Variants in LEMD3 observed in about 807,000 individuals in gnomAD.
LEMD3 encodes inner nuclear membrane protein Man1.
LEMD3 carries 33 observed loss-of-function variants against 95.2 expected under a neutral mutation model. The observed-to-expected ratio is 0.35, with a 90% CI of 0.26 to 0.46. The LOEUF (loss-of-function observed/expected upper bound fraction) is 0.46, where lower values mean the gene tolerates loss of function less well. Ranked by LOEUF, LEMD3 falls within the 20% of genes least tolerant of loss-of-function variation. LEMD3 has a pLI of 1.00. For synonymous variants in LEMD3, 525 were observed against 474.6 expected (o/e 1.11, Z -1.38); for missense variants, 1,210 against 1,192.8 (o/e 1.01, Z -0.21).
chr12:65,206,969 G>A (rs570447972), intron 1 of LEMD3, among the ~76,000 whole-genome samples: 1 of 151,990 alleles, frequency 6.6e-6, no homozygotes, highest in Non-Finnish European at 1.5e-5. Context: ...GACATAAATA[G>A]GTTTGAATCT....
At chr12:65,210,383 CT>C (rs1166004210) in intron 1 of LEMD3, among the ~76,000 whole-genome samples, 1 of 152,010 alleles carries the variant, frequency 6.6e-6, no homozygotes, top group African/African-American at 2.4e-5. Flanking sequence ...CAGTAGTTAA[CT>C]GCTTCTTAGT....
chr12:65,198,404 T>A (rs1869496493), intron 1 of LEMD3, among the ~76,000 whole-genome samples: 1 of 152,156 alleles, frequency 6.6e-6, no homozygotes, highest in Non-Finnish European at 1.5e-5. Flanking sequence ...CAGTAGGCAG[T>A]AGCATAATTA....
chr12:65,241,187 C>A, intron 9 of LEMD3, 100 bp downstream of exon 9: 1 of 992,146 alleles, frequency 1.0e-6, no homozygotes, highest in South Asian at 1.4e-5. Context: ...TGTATGAAGG[C>A]AAAACTCTCT....
chr12:65,219,880 T>C (rs1012887623), intron 4 of LEMD3, among the ~76,000 whole-genome samples: 2 of 152,214 alleles, frequency 1.3e-5, no homozygotes, highest in African/African-American at 4.8e-5. Flanking sequence ...ATGACAGTAC[T>C]TCCTTCATTT....
At chr12:65,175,603 T>G (rs578015480) in intron 1 of LEMD3, among the ~76,000 whole-genome samples, 1 of 152,218 alleles carries the variant, frequency 6.6e-6, no homozygotes, top group Non-Finnish European at 1.5e-5. Flanking sequence ...GTATCACTAC[T>G]CTCTCCTAGT....
chr12:65,210,364 G>T (rs1043638366), intron 1 of LEMD3, among the ~76,000 whole-genome samples: 1 of 152,012 alleles, frequency 6.6e-6, no homozygotes, highest in Non-Finnish European at 1.5e-5. Context: ...GCATCTTGTA[G>T]ATTTCTTTCA....
intron 1 of LEMD3, among the ~76,000 whole-genome samples, chr12:65,188,243 AT>A (rs1869127133): frequency 6.6e-6 from 1 of 152,148 alleles, no homozygotes; most frequent in Non-Finnish European, 1.5e-5. Context: ...AAACATTAAA[AT>A]CATACTGCAG....
chr12:65,228,223 G>A (rs1037123627), intron 4 of LEMD3, among the ~76,000 whole-genome samples: 39 of 152,010 alleles, frequency 2.6e-4, no homozygotes, highest in Admixed American at 1.5e-3. Flanking sequence ...CAAAGTCTAA[G>A]CCAGGCAGCA....
In LEMD3 at chr12:65,246,263, A is replaced by G. The variant is rs1871101950; in HGVS notation, c.2674A>G (p.Met892Val). ...TCCATTGAAGCCATCAAATAAACATATGAACTCCATGTCTCATCTTCGTCT... is the reference window on the plus strand; with the variant it reads ...TCCATTGAAGCCATCAAATAAACATGTGAACTCCATGTCTCATCTTCGTCT... ...NTPLKPSNKH[M>V]NSMSHLRLRT... Residue 892 changes from methionine to valine, a missense_variant, in exon 13 of 13, where the codon ATG becomes GTG. By Grantham distance (21) the Met-to-Val change is conservative. Transcript: ENST00000308330. The G allele has an allele frequency of 1.2e-6, 2 of 1,613,486 alleles. No homozygotes were observed. The highest frequency in any genetic ancestry group is 8.5e-7 in the Non-Finnish European group (1 of 1,179,510).
At chr12:65,173,980 A>G (rs1868635803) in intron 1 of LEMD3, among the ~76,000 whole-genome samples, 1 of 152,124 alleles carries the variant, frequency 6.6e-6, no homozygotes, top group Admixed American at 6.5e-5. Flanking sequence ...CGTATTCCAT[A>G]TCCTTTGTTA....
intron 2 of LEMD3, among the ~76,000 whole-genome samples, chr12:65,211,228 A>G (rs963177053): frequency 6.6e-6 from 1 of 152,164 alleles, no homozygotes; most frequent in Non-Finnish European, 1.5e-5. Context: ...ACTTTACTGT[A>G]AAAGACTACT....
At chr12:65,243,128 T>C (rs866016479) in intron 9 of LEMD3, among the ~76,000 whole-genome samples, 6 of 152,184 alleles carry the variant, frequency 3.9e-5, no homozygotes, top group Non-Finnish European at 7.4e-5. Flanking sequence ...AAGTTACTTT[T>C]AAAAAGCTTT....
chr12:65,192,669 TAC>T (rs2136325279), intron 1 of LEMD3, among the ~76,000 whole-genome samples: 1 of 152,300 alleles, frequency 6.6e-6, no homozygotes, highest in South Asian at 2.1e-4. Flanking sequence ...TTCTTCATGG[TAC>T]AGTTTTTCAG....
Position 65,210,949 on chromosome 12 carries a change from T to TTTGGAA in LEMD3, c.1547_1552dup (p.Gly517_Lys518insIleGly), listed in dbSNP as rs759909210. ...AGTAGAAAACCCCTTTGGTGAAACA[T>TTTGGAA]TTGGAAAAATACAAGTAAGTAAACG... On this transcript the variant is annotated inframe_insertion, in exon 2 of 13. Coordinates refer to ENST00000308330, the MANE Select transcript of LEMD3 (RefSeq NM_014319.5). 1 of 1,593,416 alleles carries TTTGGAA rather than the reference T, an allele frequency of 6.3e-7. No individual in the cohort carries two copies. The highest frequency in any genetic ancestry group is 1.7e-5 in the Admixed American group (1 of 59,984).
intron 3 of LEMD3, 80 bp downstream of exon 3, chr12:65,216,123 C>T (rs1449955454): frequency 8.9e-6 from 8 of 900,646 alleles, no homozygotes; most frequent in Non-Finnish European, 1.5e-5. Flanking sequence ...AATATTTTTC[C>T]AAGTCCAGTG....
intron 1 of LEMD3, among the ~76,000 whole-genome samples, chr12:65,187,663 TAAGG>T (rs1363854931): frequency 6.6e-6 from 1 of 152,128 alleles, no homozygotes; most frequent in Non-Finnish European, 1.5e-5. Flanking sequence ...CCATCAATCT[TAAGG>T]AAGAGATAAA....
intron 4 of LEMD3, among the ~76,000 whole-genome samples, chr12:65,236,366 A>T (rs1372557643): frequency 2.6e-5 from 4 of 152,082 alleles, no homozygotes; most frequent in South Asian, 2.1e-4. Flanking sequence ...ACATGGCGAA[A>T]CCCCATCTCT....
At chr12:65,228,413 T>A in intron 4 of LEMD3, among the ~76,000 whole-genome samples, 1 of 151,108 alleles carries the variant, frequency 6.6e-6, no homozygotes. Flanking sequence ...TTTTTTTTTT[T>A]GAGGTGGAGT....
rs768286122 is a variant in LEMD3, at chr12:65,170,348, C to T, written c.752C>T (p.Pro251Leu). Residue 251 changes from proline to leucine, a missense_variant, in exon 1 of 13, where the codon CCC becomes CTC. Around this residue, in one of 2 missense-constraint regions of LEMD3, gnomAD observed 749 missense variants for 622.9 expected, o/e 1.20. Coordinates refer to ENST00000308330, the MANE Select transcript of LEMD3 (RefSeq NM_014319.5). Reference sequence around the variant, plus strand: ...ACCGTGAATGGCAGCCGGCTTGTCCCCTACAGCTGCCGGGAAAACTATTCG... The same window carrying T: ...ACCGTGAATGGCAGCCGGCTTGTCCTCTACAGCTGCCGGGAAAACTATTCG... ...SRTVNGSRLV[P>L]YSCRENYSDS... The T allele has an allele frequency of 4.4e-6, 7 of 1,608,994 alleles. No homozygotes were observed. In the African/African-American group the frequency reaches 8.0e-5, roughly 18 times the overall value.
Sources: allele counts gnomAD v4.1 joint callset (sites outside exome capture counted in the v4.1 genomes callset), GRCh38; gene constraint gnomAD v4.1.1; regional missense constraint gnomAD v4.1.1; transcripts MANE v1.5; gene names NCBI Gene and HGNC (gene_info 2026-07-23, HGNC 2026-07-21).